MACF1: variants seen among roughly 807,000 people sequenced by gnomAD.
MACF1 encodes the protein microtubule actin crosslinking factor 1.
A neutral mutation model predicts 854.8 loss-of-function variants in MACF1; 193 were observed. That is an observed-to-expected ratio of 0.23 (90% confidence interval 0.20 to 0.25). The LOEUF (loss-of-function observed/expected upper bound fraction) is 0.25. Ranked by LOEUF, MACF1 falls within the 10% of genes least tolerant of loss-of-function variation. The pLI is 1.00. For synonymous variants in MACF1, 3,185 were observed against 3,226.7 expected (o/e 0.99, Z 0.44); for missense variants, 7,722 against 8,929.1 (o/e 0.86, Z 5.45).
chr1:39,142,767 C>T (rs1256035736), intron 2 of MACF1, among the ~76,000 whole-genome samples: 4 of 152,232 alleles, frequency 2.6e-5, no homozygotes, highest in Non-Finnish European at 4.4e-5. Flanking sequence ...GCATCTTCTG[C>T]TTTCCCAACC....
chr1:39,093,187 T>C (rs1334779831), intron 2 of MACF1, among the ~76,000 whole-genome samples: 1 of 152,068 alleles, frequency 6.6e-6, no homozygotes, highest in African/African-American at 2.4e-5. Flanking sequence ...AAACAATAGT[T>C]CTGCAGTGGA....
chr1:39,182,901 A>G (rs1242449929), intron 2 of MACF1, among the ~76,000 whole-genome samples: 1 of 152,246 alleles, frequency 6.6e-6, no homozygotes, highest in African/African-American at 2.4e-5. Context: ...AAACTCGTAC[A>G]TAAATGTTCA....
At chr1:39,430,644 A>G (rs773550991) in intron 65 of MACF1, 58 bp from the exon 66 acceptor site, 1 of 1,362,890 alleles carries the variant, frequency 7.3e-7, no homozygotes, top group Non-Finnish European at 1.0e-6. Context: ...CACCCAGCAC[A>G]GTTGCTGATG....
chr1:39,333,447 G>A lies in MACF1; in HGVS notation c.6859G>A (p.Val2287Ile), dbSNP rs1354879672. Residue 2287 changes from valine to isoleucine, a missense_variant, in exon 37 of 101, where the codon GTA (valine) becomes ATA (isoleucine). Physicochemically the swap from Val to Ile is conservative, Grantham distance 29 (BLOSUM62 3). Transcript: ENST00000564288. ...ATTGCTTGAAGAAGCTACCTTAAATGTATTATCTGCACAGTTACTAGATGG... is the reference window on the plus strand; with the variant it reads ...ATTGCTTGAAGAAGCTACCTTAAATATATTATCTGCACAGTTACTAGATGG... ...LELLEEATLN[V>I]LSAQLLDGGI... The A allele has an allele frequency of 2.5e-6, 4 of 1,614,128 alleles. No individual in the cohort carries two copies. Among genetic ancestry groups the A allele is most frequent in the Non-Finnish European group, 3.4e-6 (4 of 1,179,994 alleles).
chr1:39,088,120 C>A (rs1268558095), intron 2 of MACF1, among the ~76,000 whole-genome samples: 1 of 152,176 alleles, frequency 6.6e-6, no homozygotes, highest in Non-Finnish European at 1.5e-5. Context: ...CTACAGGCGC[C>A]TGCCACCTTG....
chr1:39,283,543 T>A lies in MACF1; in HGVS notation c.915+28T>A, dbSNP rs1318779269. 1 of 1,502,694 alleles carries A rather than the reference T, an allele frequency of 6.7e-7. No individual in the cohort carries two copies. Among genetic ancestry groups the A allele is most frequent in the African/African-American group, 1.4e-5 (1 of 72,450 alleles). The allele number at this position is 1,502,694 out of a possible 1,614,324, so 93.1% of individuals were successfully genotyped here. A position where few individuals can be genotyped will look rare whatever the true frequency, so the allele number is the denominator to read the frequency against. ...AAAAGAACATTTTCCTAGAAGGCCT[T>A]CTGACTTTGATTCATTTGGGTGAAA... On this transcript the variant is annotated intron_variant, in intron 9 of 100. Transcript: ENST00000564288. This position sits in a 1 kb window ranked among gnomAD's most constrained non-coding sequence, Gnocchi z 4.5.
chr1:39,299,974 A>G (rs1646006091), intron 21 of MACF1, among the ~76,000 whole-genome samples: 1 of 152,214 alleles, frequency 6.6e-6, no homozygotes, highest in Non-Finnish European at 1.5e-5. Context: ...GTTCATTGAA[A>G]GTGGCACAGG....
chr1:39,299,617 C>T (rs1013847813), intron 21 of MACF1, among the ~76,000 whole-genome samples: 2 of 151,984 alleles, frequency 1.3e-5, no homozygotes, highest in African/African-American at 2.4e-5. Flanking sequence ...AGAGGTAAAC[C>T]CTAAATCATT....
chr1:39,268,826 A>G, intron 6 of MACF1: 1 of 1,289,858 alleles, frequency 7.8e-7, no homozygotes, highest in Non-Finnish European at 1.0e-6. Flanking sequence ...TCCCTACTCC[A>G]GAGGCATCTC....
chr1:39,203,313 C>G (rs562118468), upstream of MACF1, among the ~76,000 whole-genome samples: 1 of 152,276 alleles, frequency 6.6e-6, no homozygotes, highest in South Asian at 2.1e-4. Context: ...AGCCATCTTC[C>G]CACCTCAGCC....
intron 2 of MACF1, among the ~76,000 whole-genome samples, chr1:39,106,497 T>G (rs1014046744): frequency 2.0e-5 from 3 of 152,188 alleles, no homozygotes; most frequent in Admixed American, 1.3e-4. Flanking sequence ...TGCCCCTGAA[T>G]GGAAGCCAGG....
intron 2 of MACF1, among the ~76,000 whole-genome samples, chr1:39,085,508 C>T (rs370237501): frequency 1.3e-4 from 20 of 152,312 alleles, no homozygotes; most frequent in African/African-American, 4.6e-4. Context: ...TCATCTCTCA[C>T]CTGGACCTTC....
At chr1:39,458,227 C>T (rs1420143574) in intron 89 of MACF1, 143 bp from the exon 90 acceptor site, 1 of 679,456 alleles carries the variant, frequency 1.5e-6, no homozygotes, top group African/African-American at 1.8e-5. Flanking sequence ...CTACATCCCT[C>T]AGTAACTCAA....
chr1:39,307,077 G>C (rs1646197248), intron 23 of MACF1, among the ~76,000 whole-genome samples: 1 of 151,864 alleles, frequency 6.6e-6, no homozygotes, highest in South Asian at 2.1e-4. Context: ...GTTTCACCAT[G>C]TTGGCCAGGC....
At chr1:39,176,552 T>C (rs1644032432) in intron 2 of MACF1, among the ~76,000 whole-genome samples, 1 of 152,184 alleles carries the variant, frequency 6.6e-6, no homozygotes, top group African/African-American at 2.4e-5. Flanking sequence ...TCTTTCCTTC[T>C]TTTTCCCCCC....
At position 39,333,096 on chromosome 1, in the gene MACF1, T is replaced by C; in HGVS notation, c.6508T>C (p.Cys2170Arg). The change falls in exon 37 of 101, where the codon TGT becomes CGT. Residue 2170 changes from cysteine to arginine, a missense_variant. By Grantham distance (180) the Cys-to-Arg change is radical. Transcript: ENST00000564288. ...HQPLRNTSFT[C>R]QNEQAHTLET... ...ACCTCTAAGAAACACTTCCTTTACA[T>C]GTCAGAATGAACAAGCACACACTCT... 2 of 1,614,088 alleles carry C rather than the reference T, an allele frequency of 1.2e-6. No homozygotes were observed. The highest frequency in any genetic ancestry group is 1.7e-6 in the Non-Finnish European group (2 of 1,180,026).
chr1:39,244,579 C>T (rs1490960562), intron 2 of MACF1, among the ~76,000 whole-genome samples: 1 of 148,342 alleles, frequency 6.7e-6, no homozygotes, highest in Non-Finnish European at 1.5e-5. Context: ...CTGCACCCAG[C>T]CATTTTTTTT....
intron 2 of MACF1, among the ~76,000 whole-genome samples, chr1:39,096,289 CTT>C (rs951993615): frequency 6.6e-6 from 1 of 151,792 alleles, no homozygotes; most frequent in African/African-American, 2.4e-5. Context: ...TTTTCTAAGA[CTT>C]GACTTGCTTC....
At chr1:39,286,269 C>G (rs1017289132) in intron 14 of MACF1, among the ~76,000 whole-genome samples, 1 of 152,112 alleles carries the variant, frequency 6.6e-6, no homozygotes, top group Admixed American at 6.5e-5. Flanking sequence ...CTGCCTCAGC[C>G]TCCCAAAGTG....
Sources: gnomAD v4.1 joint callset for allele counts (sites outside exome capture counted in the v4.1 genomes callset) on GRCh38, gnomAD v4.1.1 for gene constraint, Gnocchi (gnomAD v3.1) non-coding constraint, MANE v1.5 for transcripts, NCBI Gene and HGNC (gene_info 2026-07-23, HGNC 2026-07-21) for gene names.